The following DUOX1 variants were observed in gnomAD, a reference collection of about 807,000 sequenced individuals.
DUOX1 encodes NADPH thyroid oxidase 1.
A neutral mutation model predicts 181.8 loss-of-function variants in DUOX1; 134 were observed. The ratio of observed to expected loss-of-function variants is 0.74; its 90% CI spans 0.64 to 0.85. DUOX1 has a LOEUF of 0.85. DUOX1 is among the 40% of genes least tolerant of loss of function. The probability of loss-of-function intolerance (pLI) is 0.00; values close to 1 mark genes in which losing one functional copy is unlikely to be tolerated. For synonymous variants in DUOX1, 798 were observed against 832.5 expected (o/e 0.96, Z 0.71); for missense variants, 1,814 against 2,064.4 (o/e 0.88, Z 2.35).
chr15:45,140,415 T>A, intron 12 of DUOX1: 1 of 191,672 alleles, frequency 5.2e-6, no homozygotes, highest in Non-Finnish European at 1.1e-5. Context: ...CAAGTGCTAT[T>A]TACACTGTGG....
chr15:45,135,099 C>T lies in DUOX1; in HGVS notation c.308-5C>T, dbSNP rs1199824653. On this transcript the variant is annotated splice_region_variant and splice_polypyrimidine_tract_variant and intron_variant, in intron 4 of 33. Coordinates refer to ENST00000389037, the MANE Select transcript of DUOX1 (RefSeq NM_175940.3). The stretch of plus-strand genomic sequence containing the variant: ...CCCTAGCACCCCCTCCTGCACTGCC[C>T]GCAGGCTATCACGTGCTTTCAGACC... 1.1e-5 allele frequency: 17 copies of T among 1,613,526 alleles called. No individual in the cohort carries two copies. Among genetic ancestry groups the T allele is most frequent in the Non-Finnish European group, 1.4e-5 (17 of 1,179,824 alleles).
Position 45,144,997 on chromosome 15 carries a change from GA to G in DUOX1, c.2240del (p.Glu747GlyfsTer4), listed in dbSNP as rs1419524595. 1 of 1,614,028 alleles carries G rather than the reference GA, an allele frequency of 6.2e-7. No individual in the cohort carries two copies. Among genetic ancestry groups the G allele is most frequent in the Non-Finnish European group, 8.5e-7 (1 of 1,180,036 alleles). ...GAGCATCCAGGAGTGGGAGCTGCGG[GA>G]GCAGGAGCTGATGAGAGCAGCTGTG... ...GLSIQEWELR[E>X]QELMRAAVTR... On this transcript the variant is annotated frameshift_variant, in exon 18 of 34. Transcript: ENST00000389037. LOFTEE classifies it high-confidence loss of function.
intron 27 of DUOX1, among the ~76,000 whole-genome samples, chr15:45,154,225 C>T (rs1444600270): frequency 6.6e-6 from 1 of 152,134 alleles, no homozygotes; most frequent in Admixed American, 6.5e-5. Flanking sequence ...CTACTTTGGG[C>T]TAGTTCCTTC....
rs1458827809 is a variant in DUOX1 at position 45,152,155 on chromosome 15, G to A, written c.3193+103G>A. On this transcript the variant is annotated intron_variant, in intron 24 of 33. Coordinates refer to ENST00000389037, the MANE Select transcript of DUOX1 (RefSeq NM_175940.3). ...AGTGCCAGCCCTGGGTAGGGTAAGT[G>A]GAGCCTGTCTGAGTGAAGACTGTGC... 3 of 1,495,438 alleles carry A rather than the reference G, an allele frequency of 2.0e-6. No individual in the cohort carries two copies. The African/African-American group carries it at 4.2e-5, about 21-fold the overall frequency. 92.6% of individuals were successfully genotyped at this position (1,495,438 alleles called of 1,614,324 possible).
In DUOX1 at chr15:45,151,229, C is replaced by T. The variant is rs570841339; in HGVS notation, c.2995C>T (p.Arg999Trp). The T allele has an allele frequency of 3.5e-5, 57 of 1,613,926 alleles. No homozygotes were observed. In the South Asian group the frequency reaches 5.7e-4, roughly 16 times the overall value. ...GGACACAGACCCTCCCCAGGAGATT[C>T]GGCGGAGGTTTGGCAAGAAGTATGT... ...PMDTDPPQEI[R>W]RRFGKKVTSF... The change falls in exon 23 of 34, where the codon CGG (arginine) becomes TGG (tryptophan). Residue 999 changes from arginine (R) to tryptophan (W), a missense_variant. Physicochemically the swap from Arg to Trp is moderately radical, Grantham distance 101. Around this residue, in one of 5 missense-constraint regions of DUOX1, gnomAD observed 1,064 missense variants for 1,152.9 expected, o/e 0.92. Coordinates refer to ENST00000389037, the MANE Select transcript of DUOX1 (RefSeq NM_175940.3).
At chr15:45,140,150 C>A (rs1427688557) in intron 12 of DUOX1, 1 of 818,312 alleles carries the variant, frequency 1.2e-6, no homozygotes. Context: ...CAGCTGCTAG[C>A]CAAGAGACCA....
At chr15:45,134,910 G>A (rs1188417906) in intron 4 of DUOX1, among the ~76,000 whole-genome samples, 194 bp from the exon 5 acceptor site, 2 of 152,182 alleles carry the variant, frequency 1.3e-5, no homozygotes, top group Non-Finnish European at 2.9e-5. Context: ...ACAACAGCTT[G>A]GATCAGGTGT....
rs919776870 is a variant in DUOX1 at position 45,147,466 on chromosome 15, C to T, written c.2356C>T (p.Leu786=). ...LDINQADAGT[L]PLDSSQKVRE... The stretch of plus-strand genomic sequence containing the variant: ...CATCAACCAGGCCGACGCAGGGACC[C>T]TGCCCCTGGACTCCTCCCAGAAGGT... Residue 786 remains leucine, a synonymous_variant, in exon 19 of 34, where the codon CTG becomes TTG. Transcript: ENST00000389037. 9.9e-6 allele frequency: 16 copies of T among 1,613,884 alleles called. No homozygotes were observed. In the African/African-American group the frequency reaches 2.1e-4, roughly 22 times the overall value.
Position 45,141,481 on chromosome 15 carries a change from C to T in DUOX1, c.1684+71C>T. On this transcript the variant is annotated intron_variant, in intron 14 of 33. Coordinates refer to ENST00000389037, the MANE Select transcript of DUOX1 (RefSeq NM_175940.3). ...CGTCCCTCTTCAGCTCTGGGCTTGG[C>T]TCAATGTGGCTGAACGTCAATCTCT... is the stretch of plus-strand genomic sequence containing the variant. The T allele has an allele frequency of 5.4e-6, 8 of 1,484,892 alleles. No individual in the cohort carries two copies. In the South Asian group the frequency reaches 9.0e-5, roughly 17 times the overall value. 92.0% of individuals were successfully genotyped at this position (1,484,892 alleles called of 1,614,324 possible).
At chr15:45,147,169 G>C (rs564828210) in intron 18 of DUOX1, among the ~76,000 whole-genome samples, 27 of 152,320 alleles carry the variant, frequency 1.8e-4, no homozygotes, top group African/African-American at 6.3e-4. Context: ...GGAAGAGAGT[G>C]GTCCACACTT....
Position 45,164,915 on chromosome 15 carries a change from G to A in DUOX1, c.*14G>A. The A allele has an allele frequency of 1.9e-6, 3 of 1,613,788 alleles. No individual in the cohort carries two copies. The highest frequency in any genetic ancestry group is 2.5e-6 in the Non-Finnish European group (3 of 1,179,762). On this transcript the variant is annotated 3_prime_UTR_variant, in exon 34 of 34. Transcript: ENST00000389037. ...GAGAACTTCTAGGCCCCTGCCCGGG[G>A]GTTCTGCCCACTGCCCAGTTGAGCA...
At position 45,151,154 on chromosome 15, in the gene DUOX1, C is replaced by T. The variant is rs1567016790; in HGVS notation, c.2920C>T (p.Arg974Cys). 9 of 1,614,050 alleles carry T rather than the reference C, an allele frequency of 5.6e-6. No individual in the cohort carries two copies. Among genetic ancestry groups the T allele is most frequent in the East Asian group, 2.2e-5 (1 of 44,888 alleles). ...TCCCAGAGTGAGTGCCCGCTGTTCC[C>T]GCAGCGACATTGAGACTGAGTTGAC... ...PSPRVSARCS[R>C]SDIETELTPQ... Residue 974 changes from arginine (R) to cysteine (C), a missense_variant, in exon 23 of 34, where the codon CGC becomes TGC. Physicochemically the swap from Arg to Cys is radical, Grantham distance 180. This residue lies in a region of DUOX1 where 1,064 missense variants were observed against 1,152.9 expected (regional missense o/e 0.92). Coordinates refer to ENST00000389037, the MANE Select transcript of DUOX1 (RefSeq NM_175940.3).
rs1468567687 is a variant in DUOX1 at position 45,136,556 on chromosome 15, TCTC to T, written c.957_959del (p.Ser320del). ...TACCGGCCATTTCTGGACCCCAGCA[TCTC>T]CTCAGAGTTCGTGGCGGCCTCTGAG... On this transcript the variant is annotated inframe_deletion, in exon 9 of 34. Transcript: ENST00000389037. 1 of 1,614,086 alleles carries T rather than the reference TCTC, an allele frequency of 6.2e-7. No individual in the cohort carries two copies. Among genetic ancestry groups the T allele is most frequent in the East Asian group, 2.2e-5 (1 of 44,876 alleles).
intron 10 of DUOX1, 67 bp downstream of exon 10, chr15:45,138,081 T>C: frequency 1.1e-6 from 1 of 879,544 alleles, no homozygotes; most frequent in Non-Finnish European, 1.6e-6. Flanking sequence ...TGTGTGTATG[T>C]GTGTGTGTGT....
intron 2 of DUOX1, 79 bp from the exon 3 acceptor site, chr15:45,133,785 A>G (rs1161116770): frequency 8.9e-6 from 11 of 1,239,138 alleles, no homozygotes; most frequent in Non-Finnish European, 1.2e-5. Flanking sequence ...CCAGGCTCAC[A>G]GCACCCATAT....
At chr15:45,148,681 C>T (rs1265765473) in intron 21 of DUOX1, 1 of 225,016 alleles carries the variant, frequency 4.4e-6, no homozygotes, top group African/African-American at 2.3e-5. Context: ...AGGAAAGGAC[C>T]CAAAAAGGTG....
chr15:45,152,443 C>T lies in DUOX1; in HGVS notation c.3351C>T (p.Leu1117=). 1 of 1,614,224 alleles carries T rather than the reference C, an allele frequency of 6.2e-7. No homozygotes were observed. The highest frequency in any genetic ancestry group is 8.5e-7 in the Non-Finnish European group (1 of 1,180,030). The change falls in exon 25 of 34, where the codon CTC becomes CTT. Residue 1117 remains leucine, a synonymous_variant. Coordinates refer to ENST00000389037, the MANE Select transcript of DUOX1 (RefSeq NM_175940.3). ...TCACCTTCCTGCGAGAAACCTTCCT[C>T]AACCGCTACGTGCCCTTCGACGCCG... ...NLITFLRETF[L]NRYVPFDAAV...
intron 27 of DUOX1, 82 bp downstream of exon 27, chr15:45,154,082 C>T: frequency 7.9e-7 from 1 of 1,261,032 alleles, no homozygotes; most frequent in Non-Finnish European, 1.2e-6. Flanking sequence ...CAGAGCAACC[C>T]ACGTTCACTC....
At chr15:45,131,128 T>C (rs927009096) in intron 1 of DUOX1, among the ~76,000 whole-genome samples, 1 of 152,156 alleles carries the variant, frequency 6.6e-6, no homozygotes, top group African/African-American at 2.4e-5. Context: ...GCTCCTTTCT[T>C]CCTCTATCCT....
Sources: gnomAD v4.1 joint callset for allele counts (sites outside exome capture counted in the v4.1 genomes callset) on GRCh38, gnomAD v4.1.1 for gene constraint, gnomAD v4.1.1 regional missense constraint, MANE v1.5 for transcripts, NCBI Gene and HGNC (gene_info 2026-07-23, HGNC 2026-07-21) for gene names.